Variants in TANC1 observed in about 807,000 individuals in gnomAD.
TANC1 encodes protein TANC1.
In TANC1, 77 loss-of-function variants were observed where a neutral mutation model predicts 149.7. The observed-to-expected ratio is 0.51, with a 90% CI of 0.43 to 0.62. The LOEUF is 0.62. Among genes scored for constraint, TANC1 ranks in the 20% least tolerant of loss-of-function variants. TANC1 has a pLI of 0.00. For synonymous variants in TANC1, 854 were observed against 925.0 expected, an observed-to-expected ratio of 0.92 and a Z score of 1.39; for missense variants, 1,985 against 2,321.8, an observed-to-expected ratio of 0.85 and a Z score of 2.98.
intron 1 of TANC1, among the ~76,000 whole-genome samples, chr2:158,973,913 G>C (rs1289283846): frequency 3.9e-5 from 6 of 152,144 alleles, no homozygotes; most frequent in African/African-American, 1.4e-4. Flanking sequence ...GTAAGAGTTG[G>C]TCATTATTCC....
At chr2:159,109,512 A>C (rs1445586329) in intron 4 of TANC1, among the ~76,000 whole-genome samples, 1 of 152,176 alleles carries the variant, frequency 6.6e-6, no homozygotes, top group Non-Finnish European at 1.5e-5. Flanking sequence ...AAGGTACTAG[A>C]GCTCTTTCTG....
chr2:159,160,146 C>T (rs541007536), intron 7 of TANC1, among the ~76,000 whole-genome samples: 4 of 152,258 alleles, frequency 2.6e-5, no homozygotes, highest in East Asian at 1.9e-4. Flanking sequence ...CCTGATAAGT[C>T]GCTCAGTTTC....
chr2:158,979,325 C>T (rs905446175), intron 1 of TANC1, among the ~76,000 whole-genome samples: 1 of 151,786 alleles, frequency 6.6e-6, no homozygotes, highest in Admixed American at 6.6e-5. Flanking sequence ...TCTGTCTCTA[C>T]AAAATTTTTT....
intron 18 of TANC1, 48 bp from the exon 19 acceptor site, chr2:159,198,927 C>A: frequency 2.2e-6 from 3 of 1,343,928 alleles, no homozygotes; most frequent in Non-Finnish European, 3.2e-6. Flanking sequence ...CTATAATAAG[C>A]ACCTCTTGCT....
chr2:158,990,742 G>A (rs1484317612), intron 1 of TANC1, among the ~76,000 whole-genome samples: 1 of 152,150 alleles, frequency 6.6e-6, no homozygotes, highest in Non-Finnish European at 1.5e-5. Flanking sequence ...TGGTGAGTGT[G>A]AACTTGCTGG....
chr2:159,188,957 G>A (rs2057237069), intron 16 of TANC1, among the ~76,000 whole-genome samples: 1 of 152,198 alleles, frequency 6.6e-6, no homozygotes, highest in Non-Finnish European at 1.5e-5. Context: ...TCAGCACAGT[G>A]CCGTCTCAGC....
intron 4 of TANC1, among the ~76,000 whole-genome samples, chr2:159,123,928 C>T (rs904096605): frequency 6.6e-6 from 1 of 152,158 alleles, no homozygotes; most frequent in Non-Finnish European, 1.5e-5. Context: ...CGCTGCCTTC[C>T]TCCCTCCCGC....
chr2:158,981,076 A>C (rs1264726201), intron 1 of TANC1, among the ~76,000 whole-genome samples: 1 of 152,040 alleles, frequency 6.6e-6, no homozygotes, highest in Non-Finnish European at 1.5e-5. Context: ...CAAGTAAAAT[A>C]TTTTTGGCAA....
At chr2:159,215,459 A>G (rs1435172063) in intron 19 of TANC1, among the ~76,000 whole-genome samples, 1 of 152,128 alleles carries the variant, frequency 6.6e-6, no homozygotes, top group Non-Finnish European at 1.5e-5. Flanking sequence ...TGACCAGAGG[A>G]GGTCACAAAT....
chr2:159,193,815 C>A (rs143121425), intron 16 of TANC1, among the ~76,000 whole-genome samples: 4 of 152,172 alleles, frequency 2.6e-5, no homozygotes, highest in Non-Finnish European at 5.9e-5. Flanking sequence ...GCCACCGCAC[C>A]TGGCCTCTAC....
intron 4 of TANC1, among the ~76,000 whole-genome samples, chr2:159,105,342 A>G (rs2047075273): frequency 6.6e-6 from 1 of 152,142 alleles, no homozygotes; most frequent in Non-Finnish European, 1.5e-5. Context: ...TGTTTTCGCT[A>G]TTCCTGGTGT....
intron 4 of TANC1, among the ~76,000 whole-genome samples, chr2:159,127,892 C>G (rs544293764): frequency 6.6e-6 from 1 of 152,214 alleles, no homozygotes; most frequent in Non-Finnish European, 1.5e-5. Flanking sequence ...GAGCATGGCT[C>G]CAGTTTGATA....
chr2:159,176,523 CAA>C lies in TANC1; in HGVS notation c.1902+7_1902+8del. The C allele has an allele frequency of 6.3e-7, 1 of 1,583,440 alleles. No individual in the cohort carries two copies. The highest frequency in any genetic ancestry group is 1.2e-5 in the South Asian group (1 of 85,242). On this transcript the variant is annotated splice_donor_region_variant and intron_variant, in intron 13 of 26. Coordinates refer to ENST00000263635, the MANE Select transcript of TANC1 (RefSeq NM_033394.3). The stretch of plus-strand genomic sequence containing the variant: ...ACTGTAAGAGCAAATTTTCAGGTAA[CAA>C]AGAATTCTCAAATCTTTCTCCAAGT...
At chr2:159,149,437 A>T in intron 6 of TANC1, 165 bp downstream of exon 6, 1 of 958,364 alleles carries the variant, frequency 1.0e-6, no homozygotes, top group Non-Finnish European at 1.6e-6. Flanking sequence ...GGGTTTTTGC[A>T]GTGGGGAGGT....
At chr2:159,211,384 G>C (rs2058973248) in intron 19 of TANC1, among the ~76,000 whole-genome samples, 1 of 152,192 alleles carries the variant, frequency 6.6e-6, no homozygotes, top group Non-Finnish European at 1.5e-5. Context: ...TTCATACCAA[G>C]TCTTTTTTTC....
rs566046373 is a variant in TANC1, at chr2:159,047,184, C to T, written c.-15-18712C>T. 8.1e-5 allele frequency among the ~76,000 whole-genome samples: 11 copies of T among 135,736 alleles called. No individual in the cohort carries two copies. The South Asian group carries it at 2.4e-3, about 30-fold the overall frequency. The allele number at this position is 135,736 out of a possible 152,430, so 89.0% of individuals were successfully genotyped here. On this transcript the variant is annotated intron_variant, in intron 2 of 26. Coordinates refer to ENST00000263635, the MANE Select transcript of TANC1 (RefSeq NM_033394.3). Reference sequence around the variant, plus strand: ...TAAATCAGGATATCCAAACTGAACTCATTTCCCCCCCCCAGTTATTGCCTG... The same window carrying T: ...TAAATCAGGATATCCAAACTGAACTTATTTCCCCCCCCCAGTTATTGCCTG...
chr2:159,097,140 G>A (rs1019965854), intron 3 of TANC1, among the ~76,000 whole-genome samples: 1 of 152,094 alleles, frequency 6.6e-6, no homozygotes, highest in Non-Finnish European at 1.5e-5. Flanking sequence ...TAGATGGGAT[G>A]GGAGCCAAGG....
chr2:159,066,108 G>T, intron 3 of TANC1, 137 bp downstream of exon 3: 1 of 726,740 alleles, frequency 1.4e-6, no homozygotes, highest in Non-Finnish European at 2.5e-6. Context: ...TGTGCTGGAG[G>T]CTATGAGAAA....
intron 2 of TANC1, among the ~76,000 whole-genome samples, chr2:159,032,201 A>T (rs969038582): frequency 1.6e-4 from 24 of 152,312 alleles, no homozygotes; most frequent in African/African-American, 5.8e-4. Flanking sequence ...CAGATACCGT[A>T]AGAAAAGATG....
Sources: gnomAD v4.1 joint callset for allele counts (sites outside exome capture counted in the v4.1 genomes callset) on GRCh38, gnomAD v4.1.1 for gene constraint, MANE v1.5 for transcripts, NCBI Gene and HGNC (gene_info 2026-07-23, HGNC 2026-07-21) for gene names.